The following CYTH4 variants were observed in gnomAD, a reference collection of about 807,000 sequenced individuals.
The protein encoded by CYTH4 is cytohesin-4.
CYTH4 carries 22 observed loss-of-function variants against 57.5 expected under a neutral mutation model. That is an observed-to-expected ratio of 0.38 (90% confidence interval 0.27 to 0.55). The LOEUF (loss-of-function observed/expected upper bound fraction) is 0.55. Ranked by LOEUF, CYTH4 falls within the 20% of genes least tolerant of loss-of-function variation. The pLI is 0.74. For synonymous variants in CYTH4, 186 were observed against 206.5 expected (o/e 0.90, Z 0.85); for missense variants, 420 against 535.6 (o/e 0.78, Z 2.13).
At chr22:37,287,554 C>T (rs1051386566) in intron 1 of CYTH4, among the ~76,000 whole-genome samples, 4 of 152,246 alleles carry the variant, frequency 2.6e-5, no homozygotes, top group African/African-American at 7.2e-5. Context: ...CCAACGGCCT[C>T]CCCGCCAGCT....
intron 8 of CYTH4, 96 bp downstream of exon 8, chr22:37,303,498 C>G (rs1929273389): frequency 2.1e-5 from 31 of 1,455,064 alleles, no homozygotes; most frequent in African/African-American, 2.9e-5. Context: ...CTGAGATAGA[C>G]AGCCCCCAGT....
In CYTH4 at chr22:37,297,670, A is replaced by G; in HGVS notation, c.341A>G (p.Tyr114Cys). 1 of 1,613,570 alleles carries G rather than the reference A, an allele frequency of 6.2e-7. No homozygotes were observed. Among genetic ancestry groups the G allele is most frequent in the Non-Finnish European group, 8.5e-7 (1 of 1,179,596 alleles). ...EGLNKTAIGT[Y>C]LGERDPINLQ... ...CTCAACAAGACAGCCATTGGTACCT[A>G]CCTGGGGGAGAGGTAAGAACGAGTG... Residue 114 changes from tyrosine to cysteine, a missense_variant, in exon 5 of 13, where the codon TAC becomes TGC. Tyr to Cys is a radical substitution (Grantham distance 194, BLOSUM62 -2). Transcript: ENST00000248901.
rs746862717 is a variant in CYTH4, at chr22:37,299,347, C to T, written c.434+41C>T. Reference sequence around the variant, plus strand: ...GCAGGGTCCCGGCCCTCAAGGGTGGCACAGCCCCAGTGGCTGGGGGTGTCG... The same window carrying T: ...GCAGGGTCCCGGCCCTCAAGGGTGGTACAGCCCCAGTGGCTGGGGGTGTCG... On this transcript the variant is annotated intron_variant, in intron 6 of 12. Transcript: ENST00000248901. The T allele has an allele frequency of 1.9e-6, 3 of 1,575,000 alleles. No individual in the cohort carries two copies. In the East Asian group the frequency reaches 6.7e-5, roughly 35 times the overall value.
intron 5 of CYTH4, 137 bp downstream of exon 5, chr22:37,297,819 C>A: frequency 1.5e-6 from 1 of 688,332 alleles, no homozygotes; most frequent in East Asian, 2.7e-5. Flanking sequence ...CACGGATCAT[C>A]CCCTCCAGAT....
rs753718412 is a variant in CYTH4 at position 37,312,076 on chromosome 22, G to A, written c.1014G>A (p.Lys338=). 2 of 1,614,176 alleles carry A rather than the reference G, an allele frequency of 1.2e-6. No individual in the cohort carries two copies. The highest frequency in any genetic ancestry group is 1.7e-5 in the Admixed American group (1 of 60,030). ...SCRGQKIKAC[K]TDGDGRVVEG... ...GAGGCCAGAAAATCAAGGCCTGCAA[G>A]ACCGATGGCGACGGCAGGGTGGTGG... Residue 338 remains lysine, a synonymous_variant, in exon 12 of 13, where the codon AAG becomes AAA. Coordinates refer to ENST00000248901, the MANE Select transcript of CYTH4 (RefSeq NM_013385.5).
rs185594337 is a variant in CYTH4, at chr22:37,310,155, C to T, written c.808+832C>T. Reference sequence around the variant, plus strand: ...CAGTCCTGCCCAGAACCCCCAGGAGCCCATGAGCCCTCTGACTCTCCACAC... The same window carrying T: ...CAGTCCTGCCCAGAACCCCCAGGAGTCCATGAGCCCTCTGACTCTCCACAC... On this transcript the variant is annotated intron_variant, in intron 9 of 12. Transcript: ENST00000248901. The T allele has an allele frequency of 3.6e-5, 13 of 356,712 alleles. No individual in the cohort carries two copies. In the East Asian group the frequency reaches 9.0e-4, roughly 25 times the overall value. The allele number at this position is 356,712 out of a possible 1,614,324, so 22.1% of individuals were successfully genotyped here.
chr22:37,299,046 C>A (rs1012012828), intron 5 of CYTH4, among the ~76,000 whole-genome samples, 180 bp from the exon 6 acceptor site: 3 of 152,116 alleles, frequency 2.0e-5, no homozygotes, highest in African/African-American at 7.2e-5. Flanking sequence ...CATGGGAGGA[C>A]AAGGGTGTGC....
chr22:37,303,229 A>T, intron 7 of CYTH4, 25 bp from the exon 8 acceptor site: 3 of 1,613,222 alleles, frequency 1.9e-6, no homozygotes, highest in Non-Finnish European at 1.7e-6. Context: ...CAGGGCCAGA[A>T]CTGTGACCGC....
intron 2 of CYTH4, among the ~76,000 whole-genome samples, chr22:37,293,478 C>T (rs1928824665): frequency 6.6e-6 from 1 of 152,248 alleles, no homozygotes; most frequent in Non-Finnish European, 1.5e-5. Context: ...CCCCAGCCCG[C>T]TGGGTGCAGC....
At chr22:37,299,175 G>C in intron 5 of CYTH4, 51 bp from the exon 6 acceptor site, 1 of 1,459,770 alleles carries the variant, frequency 6.9e-7, no homozygotes, top group Non-Finnish European at 9.6e-7. Context: ...GGAGGTGGGT[G>C]CCAGCAAGTA....
Position 37,311,835 on chromosome 22 carries a change from G to A in CYTH4, c.958-185G>A. 2.5e-6 allele frequency: 2 copies of A among 787,414 alleles called. No individual in the cohort carries two copies. Among genetic ancestry groups the A allele is most frequent in the Non-Finnish European group, 3.9e-6 (2 of 506,674 alleles). 48.8% of individuals were successfully genotyped at this position (787,414 alleles called of 1,614,324 possible). A position where few individuals can be genotyped will look rare whatever the true frequency, so the allele number is the denominator to read the frequency against. The stretch of plus-strand genomic sequence containing the variant: ...CATGTCACGTGGGGACTTTAGGGAG[G>A]ATGGTGGATTCAGGAGCCTGCCACA... On this transcript the variant is annotated intron_variant, in intron 11 of 12. Transcript: ENST00000248901. The surrounding 1 kb of genome is among the most constrained non-coding windows in gnomAD (Gnocchi z 4.4).
At chr22:37,282,708 C>T in intron 1 of CYTH4, 120 bp downstream of exon 1, 2 of 909,754 alleles carry the variant, frequency 2.2e-6, no homozygotes, top group Non-Finnish European at 3.3e-6. Flanking sequence ...AATGCAGCTG[C>T]AAGAAGCAAA....
At position 37,309,443 on chromosome 22, in the gene CYTH4, TGG is replaced by T. The variant is rs201029954; in HGVS notation, c.808+124_808+125del. 1.6e-3 allele frequency: 1,379 copies of T among 877,458 alleles called. 12 individuals are homozygous for T. The African/African-American group carries it at 0.02, about 13-fold the overall frequency. 54.4% of individuals were successfully genotyped at this position (877,458 alleles called of 1,614,324 possible). A position where few individuals can be genotyped will look rare whatever the true frequency, so the allele number is the denominator to read the frequency against. On this transcript the variant is annotated intron_variant, in intron 9 of 12. Coordinates refer to ENST00000248901, the MANE Select transcript of CYTH4 (RefSeq NM_013385.5). ...GCTGACACGAGGCTCACATGCATCC[TGG>T]GGGATGGAGTTGGACAGCCCCAGGT...
intron 2 of CYTH4, among the ~76,000 whole-genome samples, chr22:37,293,105 G>A (rs1245986102): frequency 6.6e-6 from 1 of 152,242 alleles, no homozygotes; most frequent in Non-Finnish European, 1.5e-5. Flanking sequence ...AGACTCAGAC[G>A]TCAGCTCATC....
Position 37,295,649 on chromosome 22 carries a change from C to A in CYTH4, c.168-350C>A, listed in dbSNP as rs2145859998. 6.6e-6 allele frequency among the ~76,000 whole-genome samples: 1 copy of A among 152,272 alleles called. No homozygotes were observed. The highest frequency in any genetic ancestry group is 2.1e-4 in the South Asian group (1 of 4,834). On this transcript the variant is annotated intron_variant, in intron 3 of 12. Transcript: ENST00000248901. This position sits in a 1 kb window ranked among gnomAD's most constrained non-coding sequence, Gnocchi z 4.1. ...GTGACTCGCCCAAAGCAGCCCGGCT[C>A]AGATTCGCATCCAGGAGCCTGGCTC...
rs746305494 is a variant in CYTH4 at position 37,311,550 on chromosome 22, C to G, written c.957+23C>G. 1 of 1,611,810 alleles carries G rather than the reference C, an allele frequency of 6.2e-7. No individual in the cohort carries two copies. The highest frequency in any genetic ancestry group is 1.1e-5 in the South Asian group (1 of 91,068). ...CCAGTAGGTGTTCAGGTTGCAGGATCCCGAGGCTGGAGCCACTGGGAAATT... is the reference window on the plus strand; with the variant it reads ...CCAGTAGGTGTTCAGGTTGCAGGATGCCGAGGCTGGAGCCACTGGGAAATT... On this transcript the variant is annotated intron_variant, in intron 11 of 12. Coordinates refer to ENST00000248901, the MANE Select transcript of CYTH4 (RefSeq NM_013385.5). This position sits in a 1 kb window ranked among gnomAD's most constrained non-coding sequence, Gnocchi z 4.4.
intron 4 of CYTH4, among the ~76,000 whole-genome samples, chr22:37,297,213 G>A (rs930849540): frequency 6.6e-6 from 1 of 152,130 alleles, no homozygotes; most frequent in Admixed American, 6.5e-5. Context: ...TGAGTTTTAG[G>A]GGAACAAAAG....
intron 8 of CYTH4, among the ~76,000 whole-genome samples, chr22:37,308,590 G>C (rs559639367): frequency 2.7e-5 from 4 of 149,486 alleles, no homozygotes; most frequent in Admixed American, 2.6e-4. Context: ...GCGTGTATAT[G>C]TGTCTGAGTG....
At chr22:37,301,075 A>G (rs553441095) in intron 7 of CYTH4, 56 bp downstream of exon 7, 2 of 1,497,150 alleles carry the variant, frequency 1.3e-6, no homozygotes, top group East Asian at 4.7e-5. Context: ...ATTGCCAGGC[A>G]TAGATTTCAC....
Sources: gnomAD v4.1 joint callset for allele counts (sites outside exome capture counted in the v4.1 genomes callset) on GRCh38, gnomAD v4.1.1 for gene constraint, Gnocchi (gnomAD v3.1) non-coding constraint, MANE v1.5 for transcripts, NCBI Gene and HGNC (gene_info 2026-07-23, HGNC 2026-07-21) for gene names.